Variants in RBM14 observed in about 807,000 individuals in gnomAD.
The protein encoded by RBM14 is RNA-binding protein 14.
Under a neutral mutation model 52.8 loss-of-function variants are expected in RBM14, and 5 were observed. That is an observed-to-expected ratio of 0.09 (90% CI 0.05 to 0.20). RBM14 has a LOEUF of 0.20. RBM14 is among the 10% of genes least tolerant of loss of function. RBM14 has a pLI of 1.00. For synonymous variants in RBM14, 411 were observed against 401.8 expected (o/e 1.02, Z -0.28); for missense variants, 780 against 926.6 (o/e 0.84, Z 2.05).
chr11:66,625,464 G>C lies in RBM14; in HGVS notation c.1588G>C (p.Ala530Pro). The change falls in exon 2 of 3, where the codon GCC becomes CCC. Residue 530 changes from alanine (A) to proline (P), a missense_variant. Physicochemically the swap from Ala to Pro is conservative, Grantham distance 27 (BLOSUM62 -1). Around this residue, in one of 4 missense-constraint regions of RBM14, gnomAD observed 675 missense variants for 697.3 expected, o/e 0.97. Transcript: ENST00000310137. The surrounding 1 kb of genome is among the most constrained non-coding windows in gnomAD (Gnocchi z 4.2). Reference sequence around the variant, plus strand: ...AGCCTCATTGGCTGCTTCCTATGCTGCCCAGCAGCATCCCCAGGCTGCTGC... The same window carrying C: ...AGCCTCATTGGCTGCTTCCTATGCTCCCCAGCAGCATCCCCAGGCTGCTGC... The part of the protein sequence containing the change: ...SSASLAASYA[A>P]QQHPQAAASY... The C allele has an allele frequency of 6.2e-7, 1 of 1,613,382 alleles. No individual in the cohort carries two copies.
chr11:66,626,681 A>G lies in RBM14; in HGVS notation c.*13A>G. On this transcript the variant is annotated 3_prime_UTR_variant, in exon 3 of 3. Coordinates refer to ENST00000310137, the MANE Select transcript of RBM14 (RefSeq NM_006328.4). The stretch of plus-strand genomic sequence containing the variant: ...GCGCCGCATGTAGGGCCATCCTGGG[A>G]TGGGGCACCACAGGGAGGGAGGGAG... 1 of 1,592,142 alleles carries G rather than the reference A, an allele frequency of 6.3e-7. No individual in the cohort carries two copies.
chr11:66,619,722 A>G (rs2135006436), intron 1 of RBM14, among the ~76,000 whole-genome samples: 1 of 151,800 alleles, frequency 6.6e-6, no homozygotes, highest in South Asian at 2.1e-4. Context: ...GCCCGCCACC[A>G]CACCCAGCTA....
chr11:66,616,674 C>T lies in RBM14; in HGVS notation c.-47C>T, dbSNP rs748580714. 3.9e-6 allele frequency: 6 copies of T among 1,533,344 alleles called. No homozygotes were observed. The African/African-American group carries it at 4.1e-5, about 11-fold the overall frequency. 95.0% of individuals were successfully genotyped at this position (1,533,344 alleles called of 1,614,324 possible). A position where few individuals can be genotyped will look rare whatever the true frequency, so the allele number is the denominator to read the frequency against. On this transcript the variant is annotated 5_prime_UTR_variant, in exon 1 of 3. Transcript: ENST00000310137. ...GGTCGTTCGGACGTCTTGCCTGTCGCTGGAGGAGAGGTCCGGGCTCTCCAG... is the reference window on the plus strand; with the variant it reads ...GGTCGTTCGGACGTCTTGCCTGTCGTTGGAGGAGAGGTCCGGGCTCTCCAG...
chr11:66,626,696 G>C lies in RBM14; in HGVS notation c.*28G>C. 1 of 1,555,518 alleles carries C rather than the reference G, an allele frequency of 6.4e-7. No homozygotes were observed. On this transcript the variant is annotated 3_prime_UTR_variant, in exon 3 of 3. Coordinates refer to ENST00000310137, the MANE Select transcript of RBM14 (RefSeq NM_006328.4). ...CCATCCTGGGATGGGGCACCACAGG[G>C]AGGGAGGGAGAAAAGAGGTGGGTAG...
rs1937941732 is a variant in RBM14 at position 66,629,106 on chromosome 11, A to G, written c.*2438A>G. Among the ~76,000 whole-genome samples the G allele has an allele frequency of 6.6e-6, 1 of 152,026 alleles. No homozygotes were observed. Among genetic ancestry groups the G allele is most frequent in the Admixed American group, 6.5e-5 (1 of 15,270 alleles). On this transcript the variant is annotated 3_prime_UTR_variant, in exon 3 of 3. Coordinates refer to ENST00000310137, the MANE Select transcript of RBM14 (RefSeq NM_006328.4). ...AAATCTCCCTCCCCTCTTTTATTTT[A>G]ATTATGCCACCTGTGTTAATCCTAT... is the stretch of plus-strand genomic sequence containing the variant.
chr11:66,624,410 T>C lies in RBM14; in HGVS notation c.534T>C (p.Thr178=), dbSNP rs754726300. The change falls in exon 2 of 3, where the codon ACT becomes ACC. Residue 178 remains threonine (T), a synonymous_variant. Coordinates refer to ENST00000310137, the MANE Select transcript of RBM14 (RefSeq NM_006328.4). The surrounding 1 kb of genome is among the most constrained non-coding windows in gnomAD (Gnocchi z 4.7). ...CTGGGGATACGGCCTTCCCTGGAACTGGTGGCTTCTCTGCCACCTTCGACT... is the reference window on the plus strand; with the variant it reads ...CTGGGGATACGGCCTTCCCTGGAACCGGTGGCTTCTCTGCCACCTTCGACT... ...PGAGDTAFPG[T]GGFSATFDYQ... 1 of 1,614,132 alleles carries C rather than the reference T, an allele frequency of 6.2e-7. No individual in the cohort carries two copies. The highest frequency in any genetic ancestry group is 8.5e-7 in the Non-Finnish European group (1 of 1,179,964).
chr11:66,618,940 A>T (rs1410413109), intron 1 of RBM14: 1 of 206,400 alleles, frequency 4.8e-6, no homozygotes, highest in South Asian at 1.1e-4. Flanking sequence ...AGTTTTGTGC[A>T]TCTTGTTCCT....
chr11:66,625,725 A>AT lies in RBM14; in HGVS notation c.1802+47_1802+48insT, dbSNP rs775765683. The AT allele has an allele frequency of 7.7e-6, 11 of 1,432,880 alleles. No homozygotes were observed. The South Asian group carries it at 1.4e-4, about 18-fold the overall frequency. The allele number at this position is 1,432,880 out of a possible 1,614,324, so 88.8% of individuals were successfully genotyped here. ...CTGCCCCCAGCTGGGGCTTAGGGCA[A>AT]GGGGCTGAGGTTGGCATGGGAGGGA... On this transcript the variant is annotated intron_variant, in intron 2 of 2. Coordinates refer to ENST00000310137, the MANE Select transcript of RBM14 (RefSeq NM_006328.4). The surrounding 1 kb of genome is among the most constrained non-coding windows in gnomAD (Gnocchi z 4.2).
rs916825620 is a variant in RBM14, at chr11:66,626,784, C to T, written c.*116C>T. ...CTTTCCTGGTTGTGGTTTTTCATGC[C>T]CTCTACCATGTGGGCCTTCCCCAGG... On this transcript the variant is annotated 3_prime_UTR_variant, in exon 3 of 3. Coordinates refer to ENST00000310137, the MANE Select transcript of RBM14 (RefSeq NM_006328.4). 5.7e-6 allele frequency: 6 copies of T among 1,057,160 alleles called. No individual in the cohort carries two copies. The highest frequency in any genetic ancestry group is 5.2e-5 in the East Asian group (2 of 38,244). 65.5% of individuals were successfully genotyped at this position (1,057,160 alleles called of 1,614,324 possible).
intron 1 of RBM14, chr11:66,623,948 C>A (rs1937662561): frequency 1.4e-6 from 1 of 723,802 alleles, no homozygotes; most frequent in Non-Finnish European, 2.6e-6. Flanking sequence ...TTTGCTCCTT[C>A]TTCTCTCACC....
chr11:66,621,521 G>T (rs1018439559), intron 1 of RBM14, among the ~76,000 whole-genome samples: 3 of 152,058 alleles, frequency 2.0e-5, no homozygotes, highest in Non-Finnish European at 4.4e-5. Flanking sequence ...GGGATTACAG[G>T]CACATGCCAC....
rs1357634558 is a variant in RBM14 at position 66,620,228 on chromosome 11, GA to G, written c.337+3174del. Among the ~76,000 whole-genome samples, 9 of 152,306 alleles carry G rather than the reference GA, an allele frequency of 5.9e-5. No individual in the cohort carries two copies. In the East Asian group the frequency reaches 1.7e-3, roughly 29 times the overall value. ...CTTTTCCCCTCCAGTGTCAGGCTTAGAAACTTCCTGATACAATTTGGTTATA... is the reference window on the plus strand; with the variant it reads ...CTTTTCCCCTCCAGTGTCAGGCTTAGAACTTCCTGATACAATTTGGTTATA... On this transcript the variant is annotated intron_variant, in intron 1 of 2. Transcript: ENST00000310137.
rs1937776354 is a variant in RBM14 at position 66,625,814 on chromosome 11, C to T, written c.1802+136C>T. 2 of 703,590 alleles carry T rather than the reference C, an allele frequency of 2.8e-6. No individual in the cohort carries two copies. The highest frequency in any genetic ancestry group is 4.6e-6 in the Non-Finnish European group (2 of 432,774). 43.6% of individuals were successfully genotyped at this position (703,590 alleles called of 1,614,324 possible). On this transcript the variant is annotated intron_variant, in intron 2 of 2. Transcript: ENST00000310137. The surrounding 1 kb of genome is among the most constrained non-coding windows in gnomAD (Gnocchi z 4.2). ...CTATTTTTGTGGGATGTCCAGAGGC[C>T]GAGGGGAGCAGTGTCTATGAACTTT...
At chr11:66,618,287 T>A (rs187876047) in intron 1 of RBM14, among the ~76,000 whole-genome samples, 2 of 152,316 alleles carry the variant, frequency 1.3e-5, no homozygotes, top group Admixed American at 1.3e-4. Flanking sequence ...GCTCATACCC[T>A]GTGTGAGAAG....
intron 1 of RBM14, chr11:66,617,683 T>C: frequency 9.7e-6 from 5 of 516,172 alleles, no homozygotes; most frequent in Non-Finnish European, 1.2e-5. Context: ...CAATATTAGG[T>C]AGGTTAGGCG....
rs927274991 is a variant in RBM14, at chr11:66,629,332, C to A, written c.*2664C>A. ...AGTTTTAGTTGGCTTATTCCTGGAA[C>A]AAGACCACCTAGAGGCTTTTAGCCT... On this transcript the variant is annotated 3_prime_UTR_variant, in exon 3 of 3. Coordinates refer to ENST00000310137, the MANE Select transcript of RBM14 (RefSeq NM_006328.4). Among the ~76,000 whole-genome samples, 1 of 152,212 alleles carries A rather than the reference C, an allele frequency of 6.6e-6. No homozygotes were observed. Among genetic ancestry groups the A allele is most frequent in the Non-Finnish European group, 1.5e-5 (1 of 68,040 alleles).
At chr11:66,618,808 G>A (rs1055253209) in intron 1 of RBM14, among the ~76,000 whole-genome samples, 11 of 152,186 alleles carry the variant, frequency 7.2e-5, no homozygotes, top group African/African-American at 2.7e-4. Context: ...AGGTGGTAGA[G>A]AAAGTCAAAA....
rs777101757 is a variant in RBM14, at chr11:66,625,330, C to T, written c.1454C>T (p.Ser485Phe). The T allele has an allele frequency of 2.5e-6, 4 of 1,610,412 alleles. No homozygotes were observed. The highest frequency in any genetic ancestry group is 1.1e-5 in the South Asian group (1 of 90,926). The change falls in exon 2 of 3, where the codon TCC becomes TTC. Residue 485 changes from serine to phenylalanine, a missense_variant. Ser to Phe is a radical substitution (Grantham distance 155). Around this residue, in one of 4 missense-constraint regions of RBM14, gnomAD observed 675 missense variants for 697.3 expected, o/e 0.97. Coordinates refer to ENST00000310137, the MANE Select transcript of RBM14 (RefSeq NM_006328.4). This position sits in a 1 kb window ranked among gnomAD's most constrained non-coding sequence, Gnocchi z 4.2. ...CAAGCATCAATGGGCCTTTCAGGCT[C>T]CTATGGGGCTCAGTCGGCTGCTGCG... ...GAQASMGLSG[S>F]YGAQSAAAAT...
In RBM14 at chr11:66,624,757, C is replaced by T; in HGVS notation, c.881C>T (p.Ser294Phe). The T allele has an allele frequency of 6.2e-7, 1 of 1,614,076 alleles. No homozygotes were observed. Among genetic ancestry groups the T allele is most frequent in the Non-Finnish European group, 8.5e-7 (1 of 1,179,972 alleles). Reference sequence around the variant, plus strand: ...AGGGGCCAGCTGGCTAGTCCTAGCTCCCAGTCTGCTGCAGCTTCTTCACTC... The same window carrying T: ...AGGGGCCAGCTGGCTAGTCCTAGCTTCCAGTCTGCTGCAGCTTCTTCACTC... ...PYRGQLASPSSQSAAASSLGP... is the reference protein window; with the variant it reads ...PYRGQLASPSFQSAAASSLGP... The change falls in exon 2 of 3, where the codon TCC (serine) becomes TTC (phenylalanine). Residue 294 changes from serine (S) to phenylalanine (F), a missense_variant. Coordinates refer to ENST00000310137, the MANE Select transcript of RBM14 (RefSeq NM_006328.4). This position sits in a 1 kb window ranked among gnomAD's most constrained non-coding sequence, Gnocchi z 4.7.
Sources: allele counts gnomAD v4.1 joint callset (sites outside exome capture counted in the v4.1 genomes callset), GRCh38; gene constraint gnomAD v4.1.1; regional missense constraint gnomAD v4.1.1; non-coding constraint Gnocchi (gnomAD v3.1); transcripts MANE v1.5; gene names NCBI Gene and HGNC (gene_info 2026-07-23, HGNC 2026-07-21).